The following CNTN5 variants were observed in gnomAD, a reference collection of about 807,000 sequenced individuals.
CNTN5 encodes contactin-5.
Under a neutral mutation model 129.1 loss-of-function variants are expected in CNTN5, and 77 were observed. The observed-to-expected ratio is 0.60, with a 90% CI of 0.50 to 0.72. CNTN5 has a LOEUF of 0.72. Among genes scored for constraint, CNTN5 ranks in the 30% least tolerant of loss-of-function variants. The probability of loss-of-function intolerance (pLI) is 0.00; values close to 1 mark genes in which losing one functional copy is unlikely to be tolerated. For synonymous variants in CNTN5, 509 were observed against 465.6 expected (o/e 1.09, Z -1.20); for missense variants, 1,478 against 1,328.8 (o/e 1.11, Z -1.75).
intron 3 of CNTN5, among the ~76,000 whole-genome samples, chr11:99,782,336 A>C (rs1945341628): frequency 6.7e-6 from 1 of 149,338 alleles, no homozygotes; most frequent in African/African-American, 2.5e-5. Flanking sequence ...GAGGATACAA[A>C]CAAATGGAAG....
chr11:99,253,588 A>G (rs1004870714), intron 1 of CNTN5, among the ~76,000 whole-genome samples: 1 of 151,842 alleles, frequency 6.6e-6, no homozygotes, highest in Non-Finnish European at 1.5e-5. Flanking sequence ...TACTAACTAC[A>G]TTGGTCAATT....
At chr11:99,715,350 C>T (rs1447972628) in intron 3 of CNTN5, among the ~76,000 whole-genome samples, 1 of 151,586 alleles carries the variant, frequency 6.6e-6, no homozygotes, top group Non-Finnish European at 1.5e-5. Flanking sequence ...ATGGTGAGGC[C>T]ATCCTTCCCA....
chr11:99,343,794 A>G (rs948465369), intron 2 of CNTN5, among the ~76,000 whole-genome samples: 5 of 152,176 alleles, frequency 3.3e-5, no homozygotes. Flanking sequence ...TTTCATATAA[A>G]TCAATCAGAT....
At chr11:99,757,133 T>G (rs1944429891) in intron 3 of CNTN5, among the ~76,000 whole-genome samples, 2 of 152,086 alleles carry the variant, frequency 1.3e-5, no homozygotes, top group Admixed American at 6.6e-5. Flanking sequence ...GGGCAAAATG[T>G]GATCCATTCG....
intron 3 of CNTN5, among the ~76,000 whole-genome samples, chr11:99,613,018 GA>G (rs1204950239): frequency 6.6e-6 from 1 of 152,142 alleles, no homozygotes; most frequent in African/African-American, 2.4e-5. Context: ...TACACTCCAG[GA>G]AGTTTGGAAG....
chr11:99,038,924 T>C (rs2135128130), intron 1 of CNTN5, among the ~76,000 whole-genome samples: 1 of 152,218 alleles, frequency 6.6e-6, no homozygotes, highest in African/African-American at 2.4e-5. Flanking sequence ...TTCCCATCTG[T>C]AATTGAAATA....
rs374252097 is a variant in CNTN5, at chr11:100,280,329, CATA to C, written c.2314+9092_2314+9094del. On this transcript the variant is annotated intron_variant, in intron 18 of 24. Coordinates refer to ENST00000524871, the MANE Select transcript of CNTN5 (RefSeq NM_014361.4). ...GGCGTATCTCTCTTTCCTTACCTCT[CATA>C]ATATTTCCTGTGTATATCTGGGTAC... Among the ~76,000 whole-genome samples the C allele has an allele frequency of 1.2e-4, 18 of 152,018 alleles. 2 individuals carry two copies. The highest frequency in any genetic ancestry group is 3.9e-4 in the East Asian group (2 of 5,176).
At chr11:99,315,042 A>G (rs945903864) in intron 1 of CNTN5, among the ~76,000 whole-genome samples, 1 of 148,154 alleles carries the variant, frequency 6.7e-6, no homozygotes, top group African/African-American at 2.4e-5. Context: ...CCAAACTTTA[A>G]GTAGCAATTA....
chr11:99,885,095 C>A lies in CNTN5; in HGVS notation c.578-30959C>A, dbSNP rs1163747280. 2.6e-5 allele frequency among the ~76,000 whole-genome samples: 4 copies of A among 152,000 alleles called. No homozygotes were observed. The East Asian group carries it at 7.7e-4, about 29-fold the overall frequency. The stretch of plus-strand genomic sequence containing the variant: ...CCCAGGAGTTTGAGACCAGCCTGTG[C>A]AACATGGCACAATCCTGTCTCTACA... On this transcript the variant is annotated intron_variant, in intron 6 of 24. Transcript: ENST00000524871.
intron 6 of CNTN5, among the ~76,000 whole-genome samples, chr11:99,858,802 T>G (rs1402555323): frequency 4.6e-5 from 7 of 151,986 alleles, no homozygotes; most frequent in Non-Finnish European, 7.4e-5. Flanking sequence ...CTTGCACGAT[T>G]TTTAAAAATG....
At chr11:99,136,546 C>G (rs373450132) in intron 1 of CNTN5, among the ~76,000 whole-genome samples, 50 of 152,028 alleles carry the variant, frequency 3.3e-4, no homozygotes, top group Middle Eastern at 3.2e-3. Flanking sequence ...GCCATCTTAC[C>G]CACTCATTGC....
intron 6 of CNTN5, among the ~76,000 whole-genome samples, chr11:99,864,955 T>C (rs928431192): frequency 2.6e-5 from 4 of 152,188 alleles, no homozygotes; most frequent in African/African-American, 7.2e-5. Flanking sequence ...AAAACAATCA[T>C]TGGCATATAA....
At chr11:99,383,013 C>T (rs547409944) in intron 2 of CNTN5, among the ~76,000 whole-genome samples, 150 of 151,514 alleles carry the variant, frequency 9.9e-4, no homozygotes, top group African/African-American at 3.4e-3. Context: ...TCCACCACGA[C>T]GGCCAGCTAA....
chr11:99,871,600 T>C (rs901763066), intron 6 of CNTN5, among the ~76,000 whole-genome samples: 1 of 152,078 alleles, frequency 6.6e-6, no homozygotes, highest in Non-Finnish European at 1.5e-5. Context: ...TTATATACAT[T>C]TATGGCTTAG....
chr11:99,964,957 T>G (rs139255973), intron 8 of CNTN5, among the ~76,000 whole-genome samples: 11,543 of 152,298 alleles, frequency 0.076, 802 homozygotes, highest in African/African-American at 0.17. Flanking sequence ...TAGAGATGTT[T>G]ACAGTATTCT....
chr11:99,853,902 A>G (rs573205252), intron 6 of CNTN5, among the ~76,000 whole-genome samples: 25 of 152,186 alleles, frequency 1.6e-4, no homozygotes, highest in Non-Finnish European at 2.9e-4. Context: ...AAGTAATAAA[A>G]CAGTAGCTCC....
chr11:99,152,725 G>T (rs1214085864), intron 1 of CNTN5, among the ~76,000 whole-genome samples: 1 of 152,144 alleles, frequency 6.6e-6, no homozygotes, highest in Admixed American at 6.5e-5. Flanking sequence ...TCATTGTGTG[G>T]TTGCTTTATA....
intron 3 of CNTN5, among the ~76,000 whole-genome samples, chr11:99,775,694 A>C (rs76549124): frequency 0.036 from 5,443 of 152,102 alleles, 145 homozygotes; most frequent in South Asian, 0.1. Context: ...CTCTCTATGT[A>C]TATTTACCTC....
At chr11:100,280,881 A>G (rs1950621200) in intron 18 of CNTN5, among the ~76,000 whole-genome samples, 1 of 152,090 alleles carries the variant, frequency 6.6e-6, no homozygotes, top group Non-Finnish European at 1.5e-5. Context: ...AGGTTTGCAA[A>G]TACTGGCTTA....
Sources: gnomAD v4.1 joint callset for allele counts (sites outside exome capture counted in the v4.1 genomes callset) on GRCh38, gnomAD v4.1.1 for gene constraint, MANE v1.5 for transcripts, NCBI Gene and HGNC (gene_info 2026-07-23, HGNC 2026-07-21) for gene names.